CA10: variants seen among roughly 807,000 people sequenced by gnomAD.
The protein encoded by CA10 is carbonic anhydrase 10 (inactive), also known as carbonic anhydrase-related protein 10.
Under a neutral mutation model 44.2 loss-of-function variants are expected in CA10, and 14 were observed. That is an observed-to-expected ratio of 0.32 (90% confidence interval 0.21 to 0.50). CA10 has a LOEUF of 0.50. CA10 is among the 20% of genes least tolerant of loss of function. The probability of loss-of-function intolerance (pLI) is 0.99; values close to 1 mark genes in which losing one functional copy is unlikely to be tolerated. For synonymous variants in CA10, 159 were observed against 141.6 expected (o/e 1.12, Z -0.87); for missense variants, 350 against 409.7 (o/e 0.85, Z 1.26).
chr17:52,084,328 C>T (rs377748253), intron 1 of CA10, among the ~76,000 whole-genome samples: 1 of 152,176 alleles, frequency 6.6e-6, no homozygotes, highest in South Asian at 2.1e-4. Flanking sequence ...TATCATAGCT[C>T]AACATAGTTT....
intron 3 of CA10, among the ~76,000 whole-genome samples, chr17:51,826,383 G>A (rs1380856908): frequency 6.6e-6 from 1 of 152,218 alleles, no homozygotes; most frequent in Non-Finnish European, 1.5e-5. Context: ...CGTGAGGAAA[G>A]CAGCTTCTTC....
At chr17:52,108,202 A>AT (rs1177894513) in intron 1 of CA10, among the ~76,000 whole-genome samples, 1 of 20,746 alleles carries the variant, frequency 4.8e-5, no homozygotes, top group Admixed American at 6.8e-4. Flanking sequence ...TTTTATATAT[A>AT]TATATATATA....
chr17:51,890,126 T>C (rs992798777), intron 3 of CA10, among the ~76,000 whole-genome samples: 12 of 152,222 alleles, frequency 7.9e-5, no homozygotes, highest in African/African-American at 2.7e-4. Context: ...AATGGCTTAG[T>C]GTTTTGCAAG....
chr17:52,136,563 G>T (rs945881322), intron 1 of CA10, among the ~76,000 whole-genome samples: 2 of 152,166 alleles, frequency 1.3e-5, no homozygotes, highest in South Asian at 2.1e-4. Flanking sequence ...GGGAGTGAGG[G>T]GTGGTATCTG....
At chr17:52,070,461 T>C (rs1987651378) in intron 2 of CA10, 1 of 152,174 alleles carries the variant, frequency 6.6e-6, no homozygotes, top group African/African-American at 2.4e-5. Flanking sequence ...ATTTAGTCCT[T>C]ATCTCCATTT....
At chr17:51,871,345 C>T (rs1979801029) in intron 3 of CA10, among the ~76,000 whole-genome samples, 1 of 151,222 alleles carries the variant, frequency 6.6e-6, no homozygotes, top group African/African-American at 2.4e-5. Flanking sequence ...GATTCTCCTG[C>T]CTCAGCCTCC....
intron 3 of CA10, among the ~76,000 whole-genome samples, chr17:51,821,786 T>G (rs560213180): frequency 4.9e-4 from 75 of 152,132 alleles, no homozygotes; most frequent in Non-Finnish European, 7.2e-4. Context: ...CCAAGCTACT[T>G]TAATAGGGCA....
At chr17:51,985,056 T>C (rs1984782038) in intron 2 of CA10, among the ~76,000 whole-genome samples, 1 of 151,708 alleles carries the variant, frequency 6.6e-6, no homozygotes, top group South Asian at 2.1e-4. Context: ...GGAAAGGACA[T>C]AACCAAAAAA....
intron 3 of CA10, among the ~76,000 whole-genome samples, chr17:51,813,723 G>T (rs567535065): frequency 6.6e-6 from 1 of 152,098 alleles, no homozygotes; most frequent in African/African-American, 2.4e-5. Flanking sequence ...CCTCCGAATG[G>T]CTCCACTCCC....
chr17:52,020,025 C>T (rs1200670872), intron 2 of CA10, among the ~76,000 whole-genome samples: 2 of 151,804 alleles, frequency 1.3e-5, no homozygotes, highest in African/African-American at 4.8e-5. Flanking sequence ...TTATAGATTG[C>T]TCTATTCTTC....
At chr17:52,146,195 A>C (rs1484146574) in intron 1 of CA10, among the ~76,000 whole-genome samples, 1 of 152,236 alleles carries the variant, frequency 6.6e-6, no homozygotes, top group Non-Finnish European at 1.5e-5. Context: ...TGGCACATGT[A>C]TACATATGTA....
chr17:51,947,922 G>C (rs1983345623), intron 2 of CA10, among the ~76,000 whole-genome samples: 1 of 152,012 alleles, frequency 6.6e-6, no homozygotes, highest in South Asian at 2.1e-4. Flanking sequence ...TATCAGCAAG[G>C]CTCAAAAAAT....
At chr17:51,786,374 A>T (rs1417979956) in intron 3 of CA10, among the ~76,000 whole-genome samples, 5 of 152,140 alleles carry the variant, frequency 3.3e-5, no homozygotes, top group Non-Finnish European at 7.4e-5. Context: ...CAACACAGTG[A>T]AACACTGTCT....
intron 1 of CA10, among the ~76,000 whole-genome samples, chr17:52,081,419 G>C (rs1308855602): frequency 1.3e-5 from 2 of 152,206 alleles, no homozygotes; most frequent in African/African-American, 4.8e-5. Context: ...GGCTAAAAAT[G>C]AGGCCGGACA....
At position 51,755,560 on chromosome 17, in the gene CA10, T is replaced by A. The variant is rs553349375; in HGVS notation, c.280-7742A>T. On this transcript the variant is annotated intron_variant, in intron 3 of 8. Coordinates refer to ENST00000451037, the MANE Select transcript of CA10 (RefSeq NM_020178.5). ...AAAAAATAATTCTCTACAGCTTAAA[T>A]GGAAATATAACACTAAAAATGGAGT... Among the ~76,000 whole-genome samples the A allele has an allele frequency of 2.6e-5, 4 of 152,264 alleles. No individual in the cohort carries two copies. The South Asian group carries it at 8.3e-4, about 32-fold the overall frequency.
intron 1 of CA10, among the ~76,000 whole-genome samples, chr17:52,132,566 T>C (rs113061331): frequency 1.3e-5 from 2 of 152,216 alleles, no homozygotes; most frequent in African/African-American, 4.8e-5. Flanking sequence ...ATCTGACTTC[T>C]GGGTTTCTGA....
rs190021249 is a variant in CA10, at chr17:51,666,539, C to T, written c.466-12803G>A. Reference sequence around the variant, plus strand: ...TTTCTCAATGTGGTGTCTGATTCTTCCAGAAATCACATTACCAACTGCCTG... The same window carrying T: ...TTTCTCAATGTGGTGTCTGATTCTTTCAGAAATCACATTACCAACTGCCTG... On this transcript the variant is annotated intron_variant, in intron 4 of 8. Transcript: ENST00000451037. Among the ~76,000 whole-genome samples, 311 of 152,220 alleles carry T rather than the reference C, an allele frequency of 2.0e-3. 1 individual carries two copies. Among genetic ancestry groups the T allele is most frequent in the Non-Finnish European group, 1.7e-3 (114 of 68,018 alleles).
At chr17:51,827,132 C>T (rs932656273) in intron 3 of CA10, among the ~76,000 whole-genome samples, 6 of 152,146 alleles carry the variant, frequency 3.9e-5, no homozygotes, top group Admixed American at 3.3e-4. Context: ...ACCGTTTTTA[C>T]CAGTTTTGGC....
At chr17:51,676,495 C>T (rs892514458) in intron 4 of CA10, among the ~76,000 whole-genome samples, 4 of 152,204 alleles carry the variant, frequency 2.6e-5, no homozygotes, top group Admixed American at 6.5e-5. Context: ...ACTGCACCAG[C>T]ATTTCTGGGG....
Sources: allele counts gnomAD v4.1 joint callset (sites outside exome capture counted in the v4.1 genomes callset), GRCh38; gene constraint gnomAD v4.1.1; transcripts MANE v1.5; gene names NCBI Gene and HGNC (gene_info 2026-07-23, HGNC 2026-07-21).